Variants in SGMS1 observed in about 807,000 individuals in gnomAD.
The protein encoded by SGMS1 is phosphatidylcholine:ceramide cholinephosphotransferase 1.
In SGMS1, 13 loss-of-function variants were observed where a neutral mutation model predicts 46.2. The ratio of observed to expected loss-of-function variants is 0.28; its 90% CI spans 0.18 to 0.45. The LOEUF is 0.45. Ranked by LOEUF, SGMS1 falls within the 20% of genes least tolerant of loss-of-function variation. The pLI, the probability that SGMS1 is intolerant of heterozygous loss-of-function variation, is 1.00. For missense variants in SGMS1, 324 were observed against 519.9 expected, an observed-to-expected ratio of 0.62 and a Z score of 3.66; for synonymous variants, 203 against 187.8, an observed-to-expected ratio of 1.08 and a Z score of -0.66.
At chr10:50,324,433 A>G (rs955318778) in intron 8 of SGMS1, among the ~76,000 whole-genome samples, 1 of 152,186 alleles carries the variant, frequency 6.6e-6, no homozygotes, top group African/African-American at 2.4e-5. Flanking sequence ...GTGACTTTTA[A>G]TAAGGTTCCT....
intron 6 of SGMS1, among the ~76,000 whole-genome samples, chr10:50,352,350 G>GT (rs11409976): frequency 0.016 from 2,484 of 152,302 alleles, 74 homozygotes; most frequent in African/African-American, 0.057. Flanking sequence ...CCAGAAGACT[G>GT]TATGTTAGCC....
intron 6 of SGMS1, among the ~76,000 whole-genome samples, chr10:50,416,610 T>C (rs544507459): frequency 5.1e-4 from 77 of 152,242 alleles, no homozygotes; most frequent in African/African-American, 1.8e-3. Context: ...GCTTAGGCCA[T>C]TTCTCCCAAG....
chr10:50,356,740 A>G (rs1848155897), intron 6 of SGMS1, among the ~76,000 whole-genome samples: 1 of 152,086 alleles, frequency 6.6e-6, no homozygotes, highest in Admixed American at 6.6e-5. Flanking sequence ...ATAAAAAAAT[A>G]AAAAATGATG....
intron 6 of SGMS1, among the ~76,000 whole-genome samples, chr10:50,370,235 CAAT>C (rs886103472): frequency 4.6e-5 from 7 of 151,954 alleles, no homozygotes; most frequent in African/African-American, 1.7e-4. Flanking sequence ...TTTCTTTCTT[CAAT>C]AATAAATTAA....
chr10:50,511,798 T>A (rs1837758019), intron 3 of SGMS1, among the ~76,000 whole-genome samples: 1 of 151,998 alleles, frequency 6.6e-6, no homozygotes, highest in South Asian at 2.1e-4. Flanking sequence ...TCTCCTCTTG[T>A]CTGAGGGATC....
chr10:50,608,204 T>C (rs1459439360), intron 1 of SGMS1, among the ~76,000 whole-genome samples: 1 of 152,242 alleles, frequency 6.6e-6, no homozygotes, highest in East Asian at 1.9e-4. Flanking sequence ...AATGTGCATT[T>C]GGTGAACATC....
chr10:50,603,540 C>A (rs185998115), intron 1 of SGMS1, among the ~76,000 whole-genome samples: 2 of 152,262 alleles, frequency 1.3e-5, no homozygotes, highest in African/African-American at 4.8e-5. Flanking sequence ...AAAAAACACA[C>A]ACACACAAAA....
upstream of SGMS1, chr10:50,624,191 T>C (rs1172697993): frequency 6.6e-6 from 6 of 904,190 alleles, no homozygotes; most frequent in African/African-American, 9.0e-5. Flanking sequence ...CCAGCGTTTT[T>C]AGGGGCCCAC....
At chr10:50,462,760 A>G (rs1837280485) in intron 4 of SGMS1, among the ~76,000 whole-genome samples, 1 of 152,202 alleles carries the variant, frequency 6.6e-6, no homozygotes, top group Non-Finnish European at 1.5e-5. Flanking sequence ...CCATAAGGAC[A>G]AAAAGAATAG....
intron 1 of SGMS1, among the ~76,000 whole-genome samples, chr10:50,603,204 A>G (rs1197873755): frequency 6.6e-6 from 1 of 152,358 alleles, no homozygotes; most frequent in South Asian, 2.1e-4. Flanking sequence ...ATCCCCTAAT[A>G]AACCTGTAGG....
chr10:50,429,438 T>C (rs1849370342), intron 6 of SGMS1, among the ~76,000 whole-genome samples: 4 of 152,176 alleles, frequency 2.6e-5, no homozygotes, highest in Admixed American at 2.0e-4. Context: ...GTAAGTACAC[T>C]CTATTATGTT....
chr10:50,574,985 A>ATATATATATAT (rs58462802), intron 2 of SGMS1, among the ~76,000 whole-genome samples: 10 of 143,082 alleles, frequency 7.0e-5, no homozygotes, highest in East Asian at 2.1e-4. Flanking sequence ...ATATATATAT[A>ATATATATATAT]AAACAAAGTA....
chr10:50,311,469 A>G, intron 8 of SGMS1, 54 bp from the exon 9 acceptor site: 1 of 1,548,242 alleles, frequency 6.5e-7, no homozygotes, highest in Non-Finnish European at 8.8e-7. Flanking sequence ...GCCCACATGA[A>G]AATGTGCGAA....
chr10:50,563,453 C>T (rs1399496333), intron 2 of SGMS1, among the ~76,000 whole-genome samples: 1 of 152,162 alleles, frequency 6.6e-6, no homozygotes, highest in Non-Finnish European at 1.5e-5. Context: ...ACATAAGAAA[C>T]TCTTTTGAGG....
At chr10:50,527,403 C>A (rs964040270) in intron 2 of SGMS1, among the ~76,000 whole-genome samples, 2 of 152,122 alleles carry the variant, frequency 1.3e-5, no homozygotes, top group Non-Finnish European at 2.9e-5. Flanking sequence ...TCAAGACAAC[C>A]CTTTAAAGTA....
intron 3 of SGMS1, among the ~76,000 whole-genome samples, 163 bp downstream of exon 3, chr10:50,519,668 C>A (rs7904833): frequency 0.43 from 64,699 of 151,994 alleles, 13,917 homozygotes; most frequent in Admixed American, 0.52. Flanking sequence ...ACCACACAGG[C>A]CTTTTGTTGG....
intron 8 of SGMS1, among the ~76,000 whole-genome samples, chr10:50,323,382 C>T (rs1190507413): frequency 6.6e-6 from 1 of 152,146 alleles, no homozygotes; most frequent in Non-Finnish European, 1.5e-5. Flanking sequence ...GCTCAACTCT[C>T]CTCCCTTACA....
At position 50,525,302 on chromosome 10, in the gene SGMS1, C is replaced by T. The variant is rs543715097; in HGVS notation, c.-588-5381G>A. Among the ~76,000 whole-genome samples the T allele has an allele frequency of 1.4e-4, 22 of 152,208 alleles. 1 individual carries two copies. Among genetic ancestry groups the T allele is most frequent in the East Asian group, 5.8e-4 (3 of 5,180 alleles). The stretch of plus-strand genomic sequence containing the variant: ...TGTACCCCATCTAAGCCCTGTGTGC[C>T]GCAGATCCAATATGCCCGTTTCTGG... On this transcript the variant is annotated intron_variant, in intron 2 of 10. Transcript: ENST00000361781.
At chr10:50,622,907 T>G (rs2131952034) in intron 1 of SGMS1, among the ~76,000 whole-genome samples, 1 of 152,358 alleles carries the variant, frequency 6.6e-6, no homozygotes, top group East Asian at 1.9e-4. Context: ...GCTGCTGTTT[T>G]GCCCTTGACA....
Sources: gnomAD v4.1 joint callset for allele counts (sites outside exome capture counted in the v4.1 genomes callset) on GRCh38, gnomAD v4.1.1 for gene constraint, MANE v1.5 for transcripts, NCBI Gene and HGNC (gene_info 2026-07-23, HGNC 2026-07-21) for gene names.